RILPL1: variants seen among roughly 807,000 people sequenced by gnomAD.
The protein encoded by RILPL1 is RILP-like protein 1.
RILPL1 carries 33 observed loss-of-function variants against 50.3 expected under a neutral mutation model. The ratio of observed to expected loss-of-function variants is 0.66; its 90% CI spans 0.50 to 0.88. The LOEUF (loss-of-function observed/expected upper bound fraction) is 0.88, where lower values mean the gene tolerates loss of function less well. Among genes scored for constraint, RILPL1 ranks in the 40% least tolerant of loss-of-function variants. The probability of loss-of-function intolerance (pLI) is 0.00; values close to 1 mark genes in which losing one functional copy is unlikely to be tolerated. For missense variants in RILPL1, 418 were observed against 542.5 expected (o/e 0.77, Z 2.28); for synonymous variants, 205 against 228.6 (o/e 0.90, Z 0.93).
chr12:123,475,330 C>T, intron 6 of RILPL1: 1 of 319,500 alleles, frequency 3.1e-6, no homozygotes, highest in East Asian at 6.1e-5. Flanking sequence ...GGGTTAGTGT[C>T]ACTCGGGGAC....
intron 1 of RILPL1, among the ~76,000 whole-genome samples, chr12:123,528,533 T>G (rs1032484365): frequency 2.0e-5 from 3 of 150,984 alleles, no homozygotes; most frequent in Non-Finnish European, 4.4e-5. Flanking sequence ...GTTCATGCCA[T>G]TCTCCTGCCT....
chr12:123,473,627 C>G (rs529904621), intron 6 of RILPL1: 2 of 151,916 alleles, frequency 1.3e-5, no homozygotes, highest in African/African-American at 4.8e-5. Flanking sequence ...ATGGTGAAAG[C>G]CTTTAGGCCG....
chr12:123,481,018 G>A (rs1881952044), intron 6 of RILPL1, among the ~76,000 whole-genome samples: 1 of 152,174 alleles, frequency 6.6e-6, no homozygotes, highest in Non-Finnish European at 1.5e-5. Flanking sequence ...GTGACTGATG[G>A]AAATCTTGGG....
At chr12:123,526,868 C>A (rs1885279092) in intron 1 of RILPL1, among the ~76,000 whole-genome samples, 1 of 152,118 alleles carries the variant, frequency 6.6e-6, no homozygotes, top group East Asian at 1.9e-4. Flanking sequence ...AGCCCTGTTC[C>A]TCTCTGTTTC....
chr12:123,488,349 G>A (rs1307916911), intron 4 of RILPL1, among the ~76,000 whole-genome samples: 7 of 151,268 alleles, frequency 4.6e-5, no homozygotes, highest in Admixed American at 4.6e-4. Context: ...GCTGAGGCAT[G>A]AGGATCACCT....
intron 2 of RILPL1, among the ~76,000 whole-genome samples, chr12:123,511,061 GGGTCTGTGTGTGTGTGA>G (rs1884120480): frequency 2.0e-5 from 2 of 99,696 alleles, no homozygotes; most frequent in East Asian, 3.5e-4. Context: ...GTGGTGTGTG[GGGTCTGTGTGTGTGTGA>G]GGTCTGTGTG....
intron 1 of RILPL1, among the ~76,000 whole-genome samples, chr12:123,528,336 G>T (rs921797095): frequency 7.0e-6 from 1 of 141,912 alleles, no homozygotes; most frequent in Non-Finnish European, 1.5e-5. Context: ...GCCAGCCTGG[G>T]CAACAGAGTG....
Position 123,472,625 on chromosome 12 carries a change from G to A in RILPL1, c.1125C>T (p.His375=), listed in dbSNP as rs766273153. 2.5e-5 allele frequency: 40 copies of A among 1,591,314 alleles called. No individual in the cohort carries two copies. Among genetic ancestry groups the A allele is most frequent in the Non-Finnish European group, 3.3e-5 (38 of 1,168,834 alleles). The change falls in exon 7 of 7, where the codon CAC becomes CAT. Residue 375 remains histidine, a synonymous_variant. Coordinates refer to ENST00000376874, the MANE Select transcript of RILPL1 (RefSeq NM_178314.5). ...CCCACTGTCCAAAGGACTCCTGGAT[G>A]TGCACGTTTCTCTGTGTGTTGGCCA... ...KRLANTQRNV[H]IQESFGQWAN...
chr12:123,528,899 G>A (rs1044797600), intron 1 of RILPL1, among the ~76,000 whole-genome samples: 33 of 151,936 alleles, frequency 2.2e-4, no homozygotes, highest in Non-Finnish European at 4.6e-4. Flanking sequence ...GTGGTTCTCC[G>A]GAGAAGTCAG....
In RILPL1 at chr12:123,472,313, C is replaced by T. The variant is rs1365140247; in HGVS notation, c.*225G>A. ...AATATATATCCTACGGGATCAGAGTCATCTATTAGAAACAGTGATAGCCCT... is the reference window on the plus strand; with the variant it reads ...AATATATATCCTACGGGATCAGAGTTATCTATTAGAAACAGTGATAGCCCT... On this transcript the variant is annotated 3_prime_UTR_variant, in exon 7 of 7. Transcript: ENST00000376874. The T allele has an allele frequency of 1.5e-5, 8 of 518,190 alleles. No individual in the cohort carries two copies. The highest frequency in any genetic ancestry group is 1.2e-4 in the South Asian group (4 of 33,826). The allele number at this position is 518,190 out of a possible 1,614,324, so 32.1% of individuals were successfully genotyped here. A position where few individuals can be genotyped will look rare whatever the true frequency, so the allele number is the denominator to read the frequency against.
chr12:123,518,886 G>A (rs1027392575), intron 2 of RILPL1, among the ~76,000 whole-genome samples: 4 of 151,762 alleles, frequency 2.6e-5, no homozygotes, highest in African/African-American at 9.7e-5. Flanking sequence ...GTGAAATCCC[G>A]TCTCCGCTAA....
chr12:123,503,724 G>A (rs187964271), intron 2 of RILPL1, among the ~76,000 whole-genome samples: 31 of 152,024 alleles, frequency 2.0e-4, no homozygotes, highest in Non-Finnish European at 3.5e-4. Flanking sequence ...AGATCTGGCC[G>A]GGAGTGGTGG....
chr12:123,512,182 G>T (rs1429428645), intron 2 of RILPL1, among the ~76,000 whole-genome samples: 2 of 146,370 alleles, frequency 1.4e-5, no homozygotes, highest in African/African-American at 5.1e-5. Context: ...TGTGTGTGGT[G>T]TGTGAGGTCT....
chr12:123,514,581 C>A (rs917913205), intron 2 of RILPL1, among the ~76,000 whole-genome samples: 1 of 151,910 alleles, frequency 6.6e-6, no homozygotes, highest in Non-Finnish European at 1.5e-5. Flanking sequence ...CATGTGCCAC[C>A]ATGCCTGGCT....
At chr12:123,532,760 C>G (rs1885484716) in intron 1 of RILPL1, among the ~76,000 whole-genome samples, 1 of 137,268 alleles carries the variant, frequency 7.3e-6, no homozygotes, top group African/African-American at 2.7e-5. Flanking sequence ...TTCTTGGTAA[C>G]TCGGGAGGCC....
chr12:123,500,109 T>C (rs1212914046), intron 2 of RILPL1, among the ~76,000 whole-genome samples: 1 of 151,940 alleles, frequency 6.6e-6, no homozygotes, highest in Non-Finnish European at 1.5e-5. Flanking sequence ...TTTTTGTATT[T>C]TTAGTAGAGA....
rs941627323 is a variant in RILPL1 at position 123,502,281 on chromosome 12, T to A, written c.461-2745A>T. 4.6e-5 allele frequency among the ~76,000 whole-genome samples: 7 copies of A among 152,222 alleles called. No individual in the cohort carries two copies. The East Asian group carries it at 1.3e-3, about 29-fold the overall frequency. ...TACAAAGATCAATAACAAGGGTGAC[T>A]GTAGTCTGAGGCTGGACCGGCCACT... On this transcript the variant is annotated intron_variant, in intron 2 of 6. Transcript: ENST00000376874.
At chr12:123,525,383 A>ATTTT (rs36117410) in intron 1 of RILPL1, among the ~76,000 whole-genome samples, 10 of 134,372 alleles carry the variant, frequency 7.4e-5, no homozygotes, top group African/African-American at 1.1e-4. Context: ...TGACTGGCTA[A>ATTTT]TTTTTTTTTT....
Position 123,494,620 on chromosome 12 carries a change from A to AG in RILPL1, c.801+3923dup, listed in dbSNP as rs374781759. On this transcript the variant is annotated intron_variant, in intron 4 of 6. Transcript: ENST00000376874. Reference sequence around the variant, plus strand: ...GCTCCCGTGGGGCCTGAAGGTTGGAAGGGGCACACTAGGAGCAGGGAGCAG... The same window carrying AG: ...GCTCCCGTGGGGCCTGAAGGTTGGAAGGGGGCACACTAGGAGCAGGGAGCAG... Among the ~76,000 whole-genome samples, 1,234 of 152,260 alleles carry AG rather than the reference A, an allele frequency of 8.1e-3. 18 individuals are homozygous for AG. The highest frequency in any genetic ancestry group is 0.027 in the African/African-American group (1,138 of 41,544).
Sources: allele counts gnomAD v4.1 joint callset (sites outside exome capture counted in the v4.1 genomes callset), GRCh38; gene constraint gnomAD v4.1.1; transcripts MANE v1.5; gene names NCBI Gene and HGNC (gene_info 2026-07-23, HGNC 2026-07-21).